Variants in SLC35F3 observed in about 807,000 individuals in gnomAD.
SLC35F3 encodes putative thiamine transporter SLC35F3.
SLC35F3 carries 25 observed loss-of-function variants against 49.9 expected under a neutral mutation model. That is an observed-to-expected ratio of 0.50 (90% CI 0.37 to 0.70). The LOEUF (loss-of-function observed/expected upper bound fraction) is 0.70. SLC35F3 is among the 30% of genes least tolerant of loss of function. SLC35F3 has a pLI of 0.00. For missense variants in SLC35F3, 525 were observed against 639.8 expected (o/e 0.82, Z 1.94); for synonymous variants, 275 against 265.4 (o/e 1.04, Z -0.35).
intron 2 of SLC35F3, among the ~76,000 whole-genome samples, chr1:234,018,837 A>G (rs933606869): frequency 2.0e-5 from 3 of 152,182 alleles, no homozygotes; most frequent in African/African-American, 4.8e-5. Flanking sequence ...TAATTTTCCT[A>G]TACATTTGTT....
At chr1:233,914,068 C>G (rs969296895) in intron 2 of SLC35F3, among the ~76,000 whole-genome samples, 3 of 152,088 alleles carry the variant, frequency 2.0e-5, no homozygotes, top group African/African-American at 4.8e-5. Flanking sequence ...GCTCAAGACC[C>G]CTTAACTGCC....
intron 2 of SLC35F3, among the ~76,000 whole-genome samples, chr1:234,109,403 G>C (rs1665372222): frequency 6.6e-6 from 1 of 152,144 alleles, no homozygotes. Flanking sequence ...CATGAAAGAA[G>C]GTGGAAGCAG....
chr1:234,048,737 A>C (rs1664330968), intron 2 of SLC35F3, among the ~76,000 whole-genome samples: 1 of 151,724 alleles, frequency 6.6e-6, no homozygotes, highest in African/African-American at 2.4e-5. Flanking sequence ...GAGAGGCAGG[A>C]GCAATTTTCC....
chr1:233,912,697 G>T (rs1039378167), intron 2 of SLC35F3, among the ~76,000 whole-genome samples: 1 of 152,180 alleles, frequency 6.6e-6, no homozygotes, highest in African/African-American at 2.4e-5. Context: ...AGACAGCGTG[G>T]ATACGCTGGA....
intron 2 of SLC35F3, among the ~76,000 whole-genome samples, chr1:234,051,547 G>A (rs1165429443): frequency 2.0e-5 from 3 of 152,172 alleles, no homozygotes; most frequent in Non-Finnish European, 4.4e-5. Context: ...GGGCTGAGAT[G>A]ATGGGGTTTT....
rs188300729 is a variant in SLC35F3, at chr1:234,223,501, G to A, written c.284-7916G>A. ...TTAAACACAACTTCACAACTCTCATGTTTTCTCCTAGCTCTACACACTGCC... is the reference window on the plus strand; with the variant it reads ...TTAAACACAACTTCACAACTCTCATATTTTCTCCTAGCTCTACACACTGCC... On this transcript the variant is annotated intron_variant, in intron 2 of 7. Transcript: ENST00000366618. 7.9e-3 allele frequency among the ~76,000 whole-genome samples: 1,199 copies of A among 152,088 alleles called. 72 individuals carry two copies. Among genetic ancestry groups the A allele is most frequent in the Admixed American group, 0.075 (1,141 of 15,292 alleles).
At chr1:234,224,102 A>G (rs1331096490) in intron 2 of SLC35F3, among the ~76,000 whole-genome samples, 2 of 151,968 alleles carry the variant, frequency 1.3e-5, no homozygotes, top group Non-Finnish European at 2.9e-5. Flanking sequence ...TCTCACTCCT[A>G]TGCCCAGGCT....
At chr1:234,245,127 C>T (rs1667611600) in intron 3 of SLC35F3, among the ~76,000 whole-genome samples, 1 of 152,172 alleles carries the variant, frequency 6.6e-6, no homozygotes, top group Non-Finnish European at 1.5e-5. Context: ...TCTACCACCA[C>T]CTACCTTTCC....
intron 3 of SLC35F3, among the ~76,000 whole-genome samples, chr1:234,304,026 CTTCCTTCCTTCCTTCCTTCT>C (rs1384248307): frequency 0.017 from 1,686 of 101,116 alleles, 21 homozygotes; most frequent in African/African-American, 0.052. Context: ...TCCTTCCTTC[CTTCCTTCCTTCCTTCCTTCT>C]TTCTTTCCTT....
rs183484267 is a variant in SLC35F3, at chr1:234,011,808, A to C, written c.283+106050A>C. ...CCTGCTGTACACCCAACATTGGAGC[A>C]CTGAAGGGGTGGCCTGCCCCTCCAC... On this transcript the variant is annotated intron_variant, in intron 2 of 7. Transcript: ENST00000366618. Among the ~76,000 whole-genome samples the C allele has an allele frequency of 4.6e-5, 7 of 152,306 alleles. No individual in the cohort carries two copies. The South Asian group carries it at 8.3e-4, about 18-fold the overall frequency.
rs1415597292 is a variant in SLC35F3, at chr1:234,320,553, A to C, written c.1237+366A>C. Among the ~76,000 whole-genome samples the C allele has an allele frequency of 6.6e-6, 1 of 152,210 alleles. No homozygotes were observed. Among genetic ancestry groups the C allele is most frequent in the Non-Finnish European group, 1.5e-5 (1 of 68,022 alleles). ...GGGGAGCAGAATGAATCTCATCAGCATTATTAACAAATGTAGGAAATGATG... is the reference window on the plus strand; with the variant it reads ...GGGGAGCAGAATGAATCTCATCAGCCTTATTAACAAATGTAGGAAATGATG... On this transcript the variant is annotated intron_variant, in intron 7 of 7. Transcript: ENST00000366618. This position sits in a 1 kb window ranked among gnomAD's most constrained non-coding sequence, Gnocchi z 4.8.
chr1:233,984,024 G>A (rs1039371949), intron 2 of SLC35F3, among the ~76,000 whole-genome samples: 3 of 152,116 alleles, frequency 2.0e-5, no homozygotes, highest in African/African-American at 7.2e-5. Flanking sequence ...ACCACATCCT[G>A]CGTTTTCCCT....
At chr1:234,079,386 G>C (rs982010251) in intron 2 of SLC35F3, among the ~76,000 whole-genome samples, 1 of 152,004 alleles carries the variant, frequency 6.6e-6, no homozygotes, top group African/African-American at 2.4e-5. Context: ...TTTTAGATTA[G>C]GCATCAATTT....
intron 2 of SLC35F3, among the ~76,000 whole-genome samples, chr1:234,017,826 T>TA (rs1663827664): frequency 6.7e-6 from 1 of 149,510 alleles, no homozygotes. Flanking sequence ...ACCAAGCAAA[T>TA]ATATGGTTGA....
intron 2 of SLC35F3, among the ~76,000 whole-genome samples, chr1:234,065,990 G>A (rs1366319401): frequency 1.3e-5 from 2 of 152,194 alleles, no homozygotes; most frequent in African/African-American, 2.4e-5. Flanking sequence ...GGAGGCAAGA[G>A]CCAAATCGGT....
chr1:234,270,774 G>T lies in SLC35F3; in HGVS notation c.609-38327G>T, dbSNP rs556829282. ...GGCATCACTCTTGAAGGATGTTCGT[G>T]TAACAACTTGCAAGGCCAAATTGGG... is the stretch of plus-strand genomic sequence containing the variant. On this transcript the variant is annotated intron_variant, in intron 3 of 7. Transcript: ENST00000366618. Among the ~76,000 whole-genome samples the T allele has an allele frequency of 2.6e-5, 4 of 152,340 alleles. No individual in the cohort carries two copies. In the East Asian group the frequency reaches 7.7e-4, roughly 29 times the overall value.
chr1:234,158,976 T>G (rs1472619307), intron 2 of SLC35F3, among the ~76,000 whole-genome samples: 11 of 151,736 alleles, frequency 7.2e-5, no homozygotes, highest in Admixed American at 7.2e-4. Context: ...ATATTTAGAG[T>G]TTTTTGTTGA....
chr1:233,951,961 A>T (rs959528770), intron 2 of SLC35F3, among the ~76,000 whole-genome samples: 1 of 151,554 alleles, frequency 6.6e-6, no homozygotes, highest in African/African-American at 2.4e-5. Context: ...AATTATATAT[A>T]TGTTGGTTCT....
intron 2 of SLC35F3, among the ~76,000 whole-genome samples, chr1:233,972,491 T>C (rs899964623): frequency 2.0e-5 from 3 of 152,208 alleles, no homozygotes; most frequent in Admixed American, 1.3e-4. Flanking sequence ...TATAGCAGTG[T>C]GACTCCTCTC....
Sources: gnomAD v4.1 joint callset for allele counts (sites outside exome capture counted in the v4.1 genomes callset) on GRCh38, gnomAD v4.1.1 for gene constraint, Gnocchi (gnomAD v3.1) non-coding constraint, MANE v1.5 for transcripts, NCBI Gene and HGNC (gene_info 2026-07-23, HGNC 2026-07-21) for gene names.